Variants in PTGES2 observed in about 807,000 individuals in gnomAD.
The protein encoded by PTGES2 is GATE-binding factor 1.
In PTGES2, 35 loss-of-function variants were observed where a neutral mutation model predicts 44.5. That is an observed-to-expected ratio of 0.79 (90% CI 0.60 to 1.04). The LOEUF is 1.04. Among genes scored for constraint, PTGES2 ranks in the 50% least tolerant of loss-of-function variants. The probability of loss-of-function intolerance (pLI) is 0.00; values close to 1 mark genes in which losing one functional copy is unlikely to be tolerated. For synonymous variants in PTGES2, 221 were observed against 227.5 expected, an observed-to-expected ratio of 0.97 and a Z score of 0.26; for missense variants, 517 against 521.4, an observed-to-expected ratio of 0.99 and a Z score of 0.08.
In PTGES2 at chr9:128,123,237, T is replaced by C. The variant is rs1834493264; in HGVS notation, c.687-103A>G. On this transcript the variant is annotated intron_variant, in intron 4 of 6. Transcript: ENST00000338961. The surrounding 1 kb of genome is among the most constrained non-coding windows in gnomAD (Gnocchi z 4.4). ...ACTGCACGGGCGGGAAGCTGAAGCC[T>C]GAGCAGGAAGGTCTTTTTTTTTTTT... 1.8e-6 allele frequency: 2 copies of C among 1,081,678 alleles called. No homozygotes were observed. The highest frequency in any genetic ancestry group is 3.3e-5 in the African/African-American group (2 of 60,332). 67.0% of individuals were successfully genotyped at this position (1,081,678 alleles called of 1,614,324 possible).
At chr9:128,125,565 G>T in intron 1 of PTGES2, 124 bp from the exon 2 acceptor site, 1 of 882,952 alleles carries the variant, frequency 1.1e-6, no homozygotes, top group Non-Finnish European at 1.8e-6. Flanking sequence ...AGGAACTAGA[G>T]ATGGAAGGGG....
In PTGES2 at chr9:128,123,543, G is replaced by A. The variant is rs1030124427; in HGVS notation, c.686+159C>T. On this transcript the variant is annotated intron_variant, in intron 4 of 6. Coordinates refer to ENST00000338961, the MANE Select transcript of PTGES2 (RefSeq NM_025072.7). The surrounding 1 kb of genome is among the most constrained non-coding windows in gnomAD (Gnocchi z 4.4). ...TTACAGGAGTGAGCCACCACGCCCG[G>A]CTGCAGGAAGGTCTCTACTGAAATC... 2.6e-5 allele frequency among the ~76,000 whole-genome samples: 4 copies of A among 152,008 alleles called. No individual in the cohort carries two copies. Among genetic ancestry groups the A allele is most frequent in the Non-Finnish European group, 4.4e-5 (3 of 67,994 alleles).
Position 128,123,998 on chromosome 9 carries a change from C to T in PTGES2, c.537-147G>A. On this transcript the variant is annotated intron_variant, in intron 3 of 6. Transcript: ENST00000338961. This position sits in a 1 kb window ranked among gnomAD's most constrained non-coding sequence, Gnocchi z 4.4. ...AGTAAGAGGGATTTGGAGTAGATGC[C>T]AGGGCTACCTCCCCAAGAGAGGGAG... is the stretch of plus-strand genomic sequence containing the variant. The T allele has an allele frequency of 3.4e-6, 3 of 870,554 alleles. No individual in the cohort carries two copies. Among genetic ancestry groups the T allele is most frequent in the South Asian group, 1.8e-5 (1 of 55,348 alleles). 53.9% of individuals were successfully genotyped at this position (870,554 alleles called of 1,614,324 possible).
rs555132133 is a variant in PTGES2, at chr9:128,126,561, C to G, written c.279+878G>C. On this transcript the variant is annotated intron_variant, in intron 1 of 6. Coordinates refer to ENST00000338961, the MANE Select transcript of PTGES2 (RefSeq NM_025072.7). ...TCTCCCATCTCTTAATCAAAAAAGT[C>G]TTAAAACACGGTAGAGGCTGGGCTC... is the stretch of plus-strand genomic sequence containing the variant. Among the ~76,000 whole-genome samples, 7 of 152,260 alleles carry G rather than the reference C, an allele frequency of 4.6e-5. No homozygotes were observed. In the East Asian group the frequency reaches 1.2e-3, roughly 25 times the overall value.
chr9:128,126,365 G>C (rs1461062242), intron 1 of PTGES2, among the ~76,000 whole-genome samples: 1 of 151,594 alleles, frequency 6.6e-6, no homozygotes, highest in Non-Finnish European at 1.5e-5. Context: ...GTCACCACTT[G>C]GGGGGGGCAC....
At chr9:128,127,040 G>A (rs533193789) in intron 1 of PTGES2, among the ~76,000 whole-genome samples, 25 of 150,360 alleles carry the variant, frequency 1.7e-4, no homozygotes, top group Non-Finnish European at 3.4e-4. Flanking sequence ...TTAGCAGGGC[G>A]CAGTGGGGTG....
In PTGES2 at chr9:128,127,577, G is replaced by C. The variant is rs765978846; in HGVS notation, c.141C>G (p.Pro47=). 14 of 1,278,684 alleles carry C rather than the reference G, an allele frequency of 1.1e-5. No individual in the cohort carries two copies. Among genetic ancestry groups the C allele is most frequent in the Admixed American group, 4.2e-5 (1 of 23,886 alleles). 79.2% of individuals were successfully genotyped at this position (1,278,684 alleles called of 1,614,324 possible). The change falls in exon 1 of 7, where the codon CCC becomes CCG. Residue 47 remains proline (P), a synonymous_variant. Transcript: ENST00000338961. ...GGCTCCCCTTACGAGCTGCAGCCAC[G>C]GGGCTCGGGCCGCCCGCCGCCCCCG... is the stretch of plus-strand genomic sequence containing the variant. ...GFAGAAGGPS[P]VAAARKGSPR...
Position 128,122,369 on chromosome 9 carries a change from G to A in PTGES2, c.998C>T (p.Ala333Val), listed in dbSNP as rs765728572. The stretch of plus-strand genomic sequence containing the variant: ...TGCCACCACCACACTCACCAAATCA[G>A]CGAGATTCGGCTTCTGGCCCCCCAT... ...PFMGGQKPNL[A>V]DLAVYGVLRV... Residue 333 changes from alanine (A) to valine (V), a missense_variant, in exon 6 of 7, where the codon GCT (alanine) becomes GTT (valine). Physicochemically the swap from Ala to Val is moderately conservative, Grantham distance 64. Transcript: ENST00000338961. 2.5e-6 allele frequency: 4 copies of A among 1,613,578 alleles called. No homozygotes were observed. The highest frequency in any genetic ancestry group is 2.5e-6 in the Non-Finnish European group (3 of 1,179,468).
In PTGES2 at chr9:128,123,931, C is replaced by G; in HGVS notation, c.537-80G>C. 6.5e-7 allele frequency: 1 copy of G among 1,529,774 alleles called. No individual in the cohort carries two copies. The allele number at this position is 1,529,774 out of a possible 1,614,324, so 94.8% of individuals were successfully genotyped here. On this transcript the variant is annotated intron_variant, in intron 3 of 6. Coordinates refer to ENST00000338961, the MANE Select transcript of PTGES2 (RefSeq NM_025072.7). The surrounding 1 kb of genome is among the most constrained non-coding windows in gnomAD (Gnocchi z 4.4). Reference sequence around the variant, plus strand: ...CCGACCAACCCCGCTGCCCCAGCCTCAGAGTGGAGCCAGGACCAACAAAGG... The same window carrying G: ...CCGACCAACCCCGCTGCCCCAGCCTGAGAGTGGAGCCAGGACCAACAAAGG...
intron 6 of PTGES2, 73 bp downstream of exon 6, chr9:128,122,289 T>A: frequency 8.2e-7 from 1 of 1,216,708 alleles, no homozygotes; most frequent in Non-Finnish European, 1.2e-6. Flanking sequence ...CGTCCAGGCT[T>A]TCCCTTGCAA....
At chr9:128,125,912 G>GT (rs1478514392) in intron 1 of PTGES2, among the ~76,000 whole-genome samples, 1 of 152,142 alleles carries the variant, frequency 6.6e-6, no homozygotes, top group Non-Finnish European at 1.5e-5. Flanking sequence ...TCTCTTTCTT[G>GT]TTTTTTTCTC....
At chr9:128,122,676 G>T (rs1834461269) in intron 5 of PTGES2, 197 bp from the exon 6 acceptor site, 1 of 633,094 alleles carries the variant, frequency 1.6e-6, no homozygotes, top group Non-Finnish European at 2.7e-6. Context: ...CCAGGCCAGG[G>T]AGAAAGCCAC....
rs1289896032 is a variant in PTGES2, at chr9:128,123,846, G to T, written c.542C>A (p.Pro181His). Residue 181 changes from proline (P) to histidine (H), a missense_variant, in exon 4 of 7, where the codon CCC (proline) becomes CAC (histidine). Physicochemically the swap from Pro to His is moderately conservative, Grantham distance 77. Coordinates refer to ENST00000338961, the MANE Select transcript of PTGES2 (RefSeq NM_025072.7). The surrounding 1 kb of genome is among the most constrained non-coding windows in gnomAD (Gnocchi z 4.4). ...ALKTYLVSGQ[P>H]LEEIITYYPA... ...GTAGTAGGTGATGATCTCTTCCAGG[G>T]GCTGCCTTCGGAGAGAGCCACAATA... The T allele has an allele frequency of 1.4e-5, 22 of 1,613,098 alleles. No individual in the cohort carries two copies. In the South Asian group the frequency reaches 2.0e-4, roughly 14 times the overall value.
chr9:128,123,997 C>T lies in PTGES2; in HGVS notation c.537-146G>A. ...CAGTAAGAGGGATTTGGAGTAGATG[C>T]CAGGGCTACCTCCCCAAGAGAGGGA... On this transcript the variant is annotated intron_variant, in intron 3 of 6. Transcript: ENST00000338961. The surrounding 1 kb of genome is among the most constrained non-coding windows in gnomAD (Gnocchi z 4.4). 1.2e-6 allele frequency: 1 copy of T among 867,302 alleles called. No individual in the cohort carries two copies. The highest frequency in any genetic ancestry group is 2.6e-5 in the Admixed American group (1 of 38,530). 53.7% of individuals were successfully genotyped at this position (867,302 alleles called of 1,614,324 possible).
chr9:128,123,605 G>C lies in PTGES2; in HGVS notation c.686+97C>G. On this transcript the variant is annotated intron_variant, in intron 4 of 6. Transcript: ENST00000338961. This position sits in a 1 kb window ranked among gnomAD's most constrained non-coding sequence, Gnocchi z 4.4. ...GGCCCCAGCCCCGCTGGTCTCCCAT[G>C]CTGCTCCCTGCTCACGCCATCTTGC... 2 of 1,315,702 alleles carry C rather than the reference G, an allele frequency of 1.5e-6. No homozygotes were observed. The highest frequency in any genetic ancestry group is 1.4e-5 in the South Asian group (1 of 74,026). 81.5% of individuals were successfully genotyped at this position (1,315,702 alleles called of 1,614,324 possible).
rs773078050 is a variant in PTGES2, at chr9:128,127,436, T to C, written c.279+3A>G. On this transcript the variant is annotated splice_donor_region_variant and intron_variant, in intron 1 of 6. Coordinates refer to ENST00000338961, the MANE Select transcript of PTGES2 (RefSeq NM_025072.7). ...CCCCATCCCCGGCCGGGCCAGGCCTTACCTGCGCGGCTGAGCGCTCTGCGT... is the reference window on the plus strand; with the variant it reads ...CCCCATCCCCGGCCGGGCCAGGCCTCACCTGCGCGGCTGAGCGCTCTGCGT... 1 of 1,368,506 alleles carries C rather than the reference T, an allele frequency of 7.3e-7. No individual in the cohort carries two copies. Among genetic ancestry groups the C allele is most frequent in the South Asian group, 1.8e-5 (1 of 54,148 alleles). 84.8% of individuals were successfully genotyped at this position (1,368,506 alleles called of 1,614,324 possible).
rs1834493335 is a variant in PTGES2, at chr9:128,123,241, C to T, written c.687-107G>A. ...CACGGGCGGGAAGCTGAAGCCTGAG[C>T]AGGAAGGTCTTTTTTTTTTTTTTGA... On this transcript the variant is annotated intron_variant, in intron 4 of 6. Coordinates refer to ENST00000338961, the MANE Select transcript of PTGES2 (RefSeq NM_025072.7). This position sits in a 1 kb window ranked among gnomAD's most constrained non-coding sequence, Gnocchi z 4.4. The T allele has an allele frequency of 9.9e-7, 1 of 1,009,598 alleles. No individual in the cohort carries two copies. The highest frequency in any genetic ancestry group is 1.4e-6 in the Non-Finnish European group (1 of 718,464). 62.5% of individuals were successfully genotyped at this position (1,009,598 alleles called of 1,614,324 possible).
At chr9:128,122,838 C>T in intron 5 of PTGES2, 96 bp downstream of exon 5, 9 of 1,355,922 alleles carry the variant, frequency 6.6e-6, no homozygotes, top group Non-Finnish European at 9.4e-6. Flanking sequence ...AGGCCTCGGC[C>T]TCCCGCTGGT....
chr9:128,122,530 G>C (rs754953307), intron 5 of PTGES2, 51 bp from the exon 6 acceptor site: 1 of 1,509,726 alleles, frequency 6.6e-7, no homozygotes. Flanking sequence ...TCCCAGCCCA[G>C]CAGGGAAGAG....
Sources: gnomAD v4.1 joint callset for allele counts (sites outside exome capture counted in the v4.1 genomes callset) on GRCh38, gnomAD v4.1.1 for gene constraint, Gnocchi (gnomAD v3.1) non-coding constraint, MANE v1.5 for transcripts, NCBI Gene and HGNC (gene_info 2026-07-23, HGNC 2026-07-21) for gene names.